WDFY3: variants seen among roughly 807,000 people sequenced by gnomAD.
WDFY3 encodes the protein WD repeat and FYVE domain-containing protein 3.
A neutral mutation model predicts 409.6 loss-of-function variants in WDFY3; 66 were observed. The observed-to-expected ratio is 0.16, with a 90% CI of 0.13 to 0.20. The LOEUF (loss-of-function observed/expected upper bound fraction) is 0.20, where lower values mean the gene tolerates loss of function less well. Ranked by LOEUF, WDFY3 falls within the 10% of genes least tolerant of loss-of-function variation. The pLI is 1.00. For missense variants in WDFY3, 3,031 were observed against 4,298.1 expected, an observed-to-expected ratio of 0.71 and a Z score of 8.24; for synonymous variants, 1,521 against 1,537.1, an observed-to-expected ratio of 0.99 and a Z score of 0.25.
intron 3 of WDFY3, among the ~76,000 whole-genome samples, chr4:84,894,023 A>T (rs1765289383): frequency 6.6e-6 from 1 of 152,130 alleles, no homozygotes; most frequent in Non-Finnish European, 1.5e-5. Flanking sequence ...GTAATTTAGC[A>T]CAGAATCAAC....
chr4:84,717,374 A>G (rs1316258274), intron 48 of WDFY3, among the ~76,000 whole-genome samples: 3 of 152,214 alleles, frequency 2.0e-5, no homozygotes, highest in Non-Finnish European at 4.4e-5. Context: ...ATTTTAATAT[A>G]AGATTATATT....
At chr4:84,714,754 T>C (rs940791578) in intron 50 of WDFY3, among the ~76,000 whole-genome samples, 2 of 152,030 alleles carry the variant, frequency 1.3e-5, no homozygotes, top group Non-Finnish European at 2.9e-5. Context: ...ATCGAGACCA[T>C]CCTGGCTAAC....
chr4:84,768,166 C>T (rs1439969312), intron 30 of WDFY3, among the ~76,000 whole-genome samples: 2 of 152,168 alleles, frequency 1.3e-5, no homozygotes, highest in East Asian at 1.9e-4. Context: ...AAGAAGCCAT[C>T]TCCATAACAA....
intron 2 of WDFY3, among the ~76,000 whole-genome samples, chr4:84,907,972 G>A (rs921649031): frequency 6.6e-6 from 1 of 152,130 alleles, no homozygotes; most frequent in Non-Finnish European, 1.5e-5. Flanking sequence ...GGGAAAGAGT[G>A]GGTGTAGGTA....
At chr4:84,705,224 G>A (rs1385975737) in intron 54 of WDFY3, among the ~76,000 whole-genome samples, 170 bp downstream of exon 54, 1 of 152,182 alleles carries the variant, frequency 6.6e-6, no homozygotes, top group Admixed American at 6.5e-5. Context: ...AAGTTGGCAT[G>A]CAAACCTGAT....
chr4:84,756,454 G>A (rs931585335), intron 33 of WDFY3, among the ~76,000 whole-genome samples: 15 of 151,790 alleles, frequency 9.9e-5, no homozygotes, highest in Non-Finnish European at 1.0e-4. Context: ...GCGGGGTAGC[G>A]CCTGACTGTA....
intron 2 of WDFY3, among the ~76,000 whole-genome samples, chr4:84,901,599 T>C (rs1343476078): frequency 6.6e-6 from 1 of 152,134 alleles, no homozygotes; most frequent in Non-Finnish European, 1.5e-5. Flanking sequence ...TAAGACACCA[T>C]CACAATGGCC....
At chr4:84,677,429 C>G (rs373075989) in intron 66 of WDFY3, 33 bp from the exon 67 acceptor site, 1 of 1,533,570 alleles carries the variant, frequency 6.5e-7, no homozygotes, top group South Asian at 1.3e-5. Context: ...GGTCACTGCA[C>G]GGAAGGCTTC....
At chr4:84,694,748 T>C (rs915331284) in intron 58 of WDFY3, among the ~76,000 whole-genome samples, 4 of 152,070 alleles carry the variant, frequency 2.6e-5, no homozygotes, top group Admixed American at 6.6e-5. Context: ...CTGGGCAACA[T>C]AGTGAGACTC....
chr4:84,787,264 T>C (rs568803144), intron 23 of WDFY3, among the ~76,000 whole-genome samples: 4 of 152,234 alleles, frequency 2.6e-5, no homozygotes, highest in South Asian at 4.1e-4. Context: ...AGAAACTGGA[T>C]AATAAGCGAT....
chr4:84,835,063 G>A (rs538546095), intron 7 of WDFY3, among the ~76,000 whole-genome samples: 1 of 152,150 alleles, frequency 6.6e-6, no homozygotes, highest in Non-Finnish European at 1.5e-5. Flanking sequence ...TAAATGAGGA[G>A]TTTGATTTAA....
At chr4:84,852,364 A>G (rs527831704) in intron 4 of WDFY3, among the ~76,000 whole-genome samples, 3 of 152,322 alleles carry the variant, frequency 2.0e-5, no homozygotes, top group Non-Finnish European at 4.4e-5. Flanking sequence ...ACAGATGACC[A>G]AAACCATGAA....
chr4:84,842,695 T>C (rs1757540520), intron 5 of WDFY3, among the ~76,000 whole-genome samples: 1 of 150,692 alleles, frequency 6.6e-6, no homozygotes, highest in African/African-American at 2.4e-5. Context: ...GGCAGGAGAA[T>C]TACTTGAACC....
intron 57 of WDFY3, 93 bp from the exon 58 acceptor site, chr4:84,696,275 A>G: frequency 1.7e-6 from 2 of 1,152,072 alleles, no homozygotes; most frequent in East Asian, 4.7e-5. Flanking sequence ...TAGGAACTAA[A>G]ATAACTAAAA....
chr4:84,943,763 G>C (rs982253533), intron 1 of WDFY3, among the ~76,000 whole-genome samples: 1 of 152,116 alleles, frequency 6.6e-6, no homozygotes, highest in Non-Finnish European at 1.5e-5. Flanking sequence ...TCATCAACTA[G>C]TAAATAGCCT....
intron 20 of WDFY3, 47 bp downstream of exon 20, chr4:84,794,832 A>C (rs1465598505): frequency 1.3e-6 from 2 of 1,526,060 alleles, no homozygotes; most frequent in Non-Finnish European, 1.8e-6. Context: ...AATTATATAT[A>C]ATCTACTAGA....
rs568105080 is a variant in WDFY3, at chr4:84,919,818, C to A, written c.-132+12452G>T. 2.4e-4 allele frequency among the ~76,000 whole-genome samples: 37 copies of A among 152,276 alleles called. No individual in the cohort carries two copies. The South Asian group carries it at 7.7e-3, about 32-fold the overall frequency. ...CTTTCCTTTATAAATCACCCAGTCT[C>A]AGGTATTTCTTCATTGCAGCGTGAG... On this transcript the variant is annotated intron_variant, in intron 2 of 67. Transcript: ENST00000295888.
rs371020676 is a variant in WDFY3, at chr4:84,956,758, T to C, written c.-226+9451A>G. Among the ~76,000 whole-genome samples, 13 of 152,234 alleles carry C rather than the reference T, an allele frequency of 8.5e-5. No individual in the cohort carries two copies. The East Asian group carries it at 2.5e-3, about 29-fold the overall frequency. On this transcript the variant is annotated intron_variant, in intron 1 of 67. Transcript: ENST00000295888. ...TGTCTTTACTAAGTAGGGCTTCAGT[T>C]TTTTTAAGGCTTACAAGTATCTGCT...
At chr4:84,940,833 A>C (rs2151028812) in intron 1 of WDFY3, among the ~76,000 whole-genome samples, 1 of 152,240 alleles carries the variant, frequency 6.6e-6, no homozygotes, top group Admixed American at 6.5e-5. Flanking sequence ...ATCATGATGA[A>C]GTGCATTTAT....
Sources: gnomAD v4.1 joint callset for allele counts (sites outside exome capture counted in the v4.1 genomes callset) on GRCh38, gnomAD v4.1.1 for gene constraint, MANE v1.5 for transcripts, NCBI Gene and HGNC (gene_info 2026-07-23, HGNC 2026-07-21) for gene names.